The following ATRNL1 variants were observed in gnomAD, a reference collection of about 807,000 sequenced individuals.
The protein encoded by ATRNL1 is attractin like 1, also known as attractin-like protein 1.
ATRNL1 carries 95 observed loss-of-function variants against 182.7 expected under a neutral mutation model. That is an observed-to-expected ratio of 0.52 (90% CI 0.44 to 0.62). ATRNL1 has a LOEUF of 0.62. Among genes scored for constraint, ATRNL1 ranks in the 20% least tolerant of loss-of-function variants. The pLI is 0.00. For synonymous variants in ATRNL1, 576 were observed against 568.3 expected (o/e 1.01, Z -0.19); for missense variants, 1,471 against 1,679.5 (o/e 0.88, Z 2.17).
At chr10:115,208,576 G>T (rs1232806319) in intron 8 of ATRNL1, among the ~76,000 whole-genome samples, 1 of 151,930 alleles carries the variant, frequency 6.6e-6, no homozygotes, top group Admixed American at 6.6e-5. Context: ...CATTTATTTT[G>T]GTACTACATC....
intron 26 of ATRNL1, among the ~76,000 whole-genome samples, chr10:115,701,170 T>C (rs1946723621): frequency 6.6e-6 from 1 of 151,778 alleles, no homozygotes; most frequent in South Asian, 2.1e-4. Context: ...AACCACACAA[T>C]TACATGGAAA....
At chr10:115,927,403 G>C (rs1001742921) in intron 28 of ATRNL1, among the ~76,000 whole-genome samples, 1 of 152,054 alleles carries the variant, frequency 6.6e-6, no homozygotes, top group Non-Finnish European at 1.5e-5. Flanking sequence ...TAAGAATACT[G>C]TGATTACTGT....
intron 26 of ATRNL1, among the ~76,000 whole-genome samples, chr10:115,696,810 G>C (rs187235453): frequency 1.3e-5 from 2 of 151,684 alleles, no homozygotes; most frequent in African/African-American, 4.9e-5. Context: ...GAGGCTTCAG[G>C]AAACTTATAA....
intron 26 of ATRNL1, among the ~76,000 whole-genome samples, chr10:115,687,743 T>C (rs1946263469): frequency 6.6e-6 from 1 of 152,182 alleles, no homozygotes; most frequent in Middle Eastern, 3.4e-3. Context: ...GCAAAAATTA[T>C]ATAATGTTCA....
At chr10:115,442,124 C>A (rs536054853) in intron 21 of ATRNL1, among the ~76,000 whole-genome samples, 11 of 151,962 alleles carry the variant, frequency 7.2e-5, no homozygotes, top group African/African-American at 2.7e-4. Context: ...TCTCACTACC[C>A]AGCTTGAGAT....
chr10:115,691,920 A>G (rs1385170165), intron 26 of ATRNL1, among the ~76,000 whole-genome samples: 2 of 151,848 alleles, frequency 1.3e-5, no homozygotes, highest in African/African-American at 4.8e-5. Context: ...ATGCCTTTTT[A>G]TTTTGCTGAT....
At chr10:115,658,090 CTTTTTTTTTTTTTTT>C (rs71010038) in intron 26 of ATRNL1, among the ~76,000 whole-genome samples, 1 of 90,288 alleles carries the variant, frequency 1.1e-5, no homozygotes, top group African/African-American at 4.3e-5. Context: ...AATTTTTTTC[CTTTTTTTTTTTTTTT>C]TTTTTTTTGA....
chr10:115,479,165 TG>T (rs1229695288), intron 24 of ATRNL1, among the ~76,000 whole-genome samples: 1 of 151,684 alleles, frequency 6.6e-6, no homozygotes, highest in Non-Finnish European at 1.5e-5. Context: ...TAAGGATTTT[TG>T]GTATTTACTT....
chr10:115,911,043 C>T lies in ATRNL1; in HGVS notation c.4019-33615C>T, dbSNP rs186477801. ...TTTTGGAAACAGAGTCTCACTTTGT[C>T]GCCCAGGCTGGAGTGCAATAGTGCG... On this transcript the variant is annotated intron_variant, in intron 28 of 28. Coordinates refer to ENST00000355044, the MANE Select transcript of ATRNL1 (RefSeq NM_207303.4). Among the ~76,000 whole-genome samples, 134 of 152,212 alleles carry T rather than the reference C, an allele frequency of 8.8e-4. 1 individual carries two copies. Among genetic ancestry groups the T allele is most frequent in the African/African-American group, 2.8e-3 (116 of 41,540 alleles).
At chr10:115,365,723 T>G (rs1175670904) in intron 19 of ATRNL1, among the ~76,000 whole-genome samples, 1 of 151,964 alleles carries the variant, frequency 6.6e-6, no homozygotes, top group Non-Finnish European at 1.5e-5. Context: ...ATGTTGTGTC[T>G]TTGTTCTCGT....
chr10:115,685,769 A>G (rs1297281563), intron 26 of ATRNL1, among the ~76,000 whole-genome samples: 1 of 151,850 alleles, frequency 6.6e-6, no homozygotes, highest in East Asian at 1.9e-4. Context: ...TTTTTATATT[A>G]GACTAGGCTT....
chr10:115,919,649 T>C (rs1952985321), intron 28 of ATRNL1, among the ~76,000 whole-genome samples: 1 of 152,176 alleles, frequency 6.6e-6, no homozygotes, highest in Non-Finnish European at 1.5e-5. Context: ...TATGTACATA[T>C]GCATACACAT....
At chr10:115,143,970 AT>A (rs1845859811) in intron 5 of ATRNL1, among the ~76,000 whole-genome samples, 2 of 149,706 alleles carry the variant, frequency 1.3e-5, no homozygotes, top group Admixed American at 6.6e-5. Flanking sequence ...TAATATGAGA[AT>A]TTTTTTTGTT....
At chr10:115,899,222 G>C (rs1952286995) in intron 28 of ATRNL1, among the ~76,000 whole-genome samples, 1 of 152,144 alleles carries the variant, frequency 6.6e-6, no homozygotes, top group Non-Finnish European at 1.5e-5. Flanking sequence ...ATCTATGAGT[G>C]AGAACATGCG....
chr10:115,765,717 G>A (rs543280343), intron 27 of ATRNL1, among the ~76,000 whole-genome samples: 7 of 152,184 alleles, frequency 4.6e-5, no homozygotes, highest in East Asian at 3.9e-4. Context: ...TTACAGTACC[G>A]CAGGTCATCT....
intron 26 of ATRNL1, among the ~76,000 whole-genome samples, chr10:115,554,856 A>T (rs1853219960): frequency 6.6e-6 from 1 of 151,678 alleles, no homozygotes; most frequent in African/African-American, 2.4e-5. Flanking sequence ...TTTGTCTAAA[A>T]TCACTTTTTC....
chr10:115,183,487 A>G (rs1847825175), intron 8 of ATRNL1, among the ~76,000 whole-genome samples: 2 of 151,636 alleles, frequency 1.3e-5, no homozygotes, highest in South Asian at 4.1e-4. Flanking sequence ...GAGCAAGCAC[A>G]AATACACAAA....
At chr10:115,639,909 C>T (rs1007206718) in intron 26 of ATRNL1, among the ~76,000 whole-genome samples, 14 of 151,828 alleles carry the variant, frequency 9.2e-5, no homozygotes, top group Non-Finnish European at 1.9e-4. Context: ...CGCCCATCAA[C>T]CGTCATCTAG....
intron 1 of ATRNL1, among the ~76,000 whole-genome samples, chr10:115,109,382 A>C (rs1433068066): frequency 6.6e-6 from 1 of 152,244 alleles, no homozygotes; most frequent in Non-Finnish European, 1.5e-5. Context: ...TTGAGGGGCC[A>C]GAATTTGGCA....
Sources: gnomAD v4.1 joint callset for allele counts (sites outside exome capture counted in the v4.1 genomes callset) on GRCh38, gnomAD v4.1.1 for gene constraint, MANE v1.5 for transcripts, NCBI Gene and HGNC (gene_info 2026-07-23, HGNC 2026-07-21) for gene names.